The following TXNRD2 variants were observed in gnomAD, a reference collection of about 807,000 sequenced individuals.
TXNRD2 encodes thioredoxin reductase 2, mitochondrial.
In TXNRD2, 67 loss-of-function variants were observed where a neutral mutation model predicts 70.8. That is an observed-to-expected ratio of 0.95 (90% CI 0.78 to 1.16). TXNRD2 has a LOEUF of 1.16. TXNRD2 is among the 50% of genes most tolerant of loss of function. TXNRD2 has a pLI of 0.00. For synonymous variants in TXNRD2, 301 were observed against 295.8 expected (o/e 1.02, Z -0.18); for missense variants, 644 against 719.9 (o/e 0.89, Z 1.21).
rs775971900 is a variant in TXNRD2, at chr22:19,883,686, G to A, written c.950-225C>T. The A allele has an allele frequency of 1.3e-4, 75 of 573,612 alleles. 1 individual carries two copies. The highest frequency in any genetic ancestry group is 2.6e-4 in the South Asian group (14 of 52,854). The allele number at this position is 573,612 out of a possible 1,614,324, so 35.5% of individuals were successfully genotyped here. A position where few individuals can be genotyped will look rare whatever the true frequency, so the allele number is the denominator to read the frequency against. On this transcript the variant is annotated intron_variant, in intron 11 of 17. Coordinates refer to ENST00000400521, the MANE Select transcript of TXNRD2 (RefSeq NM_006440.5). The stretch of plus-strand genomic sequence containing the variant: ...AACCCTGTCTCAGCCAGGCGTGATG[G>A]CTCATGCCTATAATCCCAACACTTT...
intron 11 of TXNRD2, among the ~76,000 whole-genome samples, chr22:19,889,909 C>CT (rs5844399): frequency 0.46 from 69,791 of 150,186 alleles, 18,142 homozygotes; most frequent in Non-Finnish European, 0.59. Context: ...CCATGTTGTT[C>CT]TTTTTTTTTT....
intron 8 of TXNRD2, among the ~76,000 whole-genome samples, chr22:19,907,144 G>A (rs962485797): frequency 1.8e-5 from 2 of 112,638 alleles, no homozygotes; most frequent in Admixed American, 1.1e-4. Flanking sequence ...GGCACCATGG[G>A]TAGCACTGAC....
chr22:19,931,868 A>G (rs72556513), intron 1 of TXNRD2, among the ~76,000 whole-genome samples: 1,633 of 152,214 alleles, frequency 0.011, 28 homozygotes, highest in African/African-American at 0.036. Flanking sequence ...GTGAGCAAGA[A>G]TAAAAGCACA....
At chr22:19,929,961 C>T (rs1601478682) in intron 2 of TXNRD2, among the ~76,000 whole-genome samples, 1 of 152,338 alleles carries the variant, frequency 6.6e-6, no homozygotes, top group East Asian at 1.9e-4. Flanking sequence ...TTAAAGGGGA[C>T]TCAGGTCTCT....
chr22:19,911,530 A>G, intron 7 of TXNRD2, 83 bp from the exon 8 acceptor site: 1 of 1,028,820 alleles, frequency 9.7e-7, no homozygotes, highest in Non-Finnish European at 1.5e-6. Flanking sequence ...CCAGCTTTGC[A>G]GAATCAAGCA....
At chr22:19,907,050 AGT>A (rs1940061012) in intron 8 of TXNRD2, among the ~76,000 whole-genome samples, 1 of 66,198 alleles carries the variant, frequency 1.5e-5, no homozygotes, top group Non-Finnish European at 2.8e-5. Context: ...CTCTCAGGAG[AGT>A]GTGGGCGCCG....
intron 1 of TXNRD2, among the ~76,000 whole-genome samples, chr22:19,940,479 C>T (rs1941673329): frequency 2.0e-5 from 3 of 152,050 alleles, no homozygotes; most frequent in South Asian, 4.1e-4. Context: ...CCCTAAGTCT[C>T]GTATGATATT....
chr22:19,939,623 A>C (rs5748489), intron 1 of TXNRD2, among the ~76,000 whole-genome samples: 94,691 of 151,996 alleles, frequency 0.62, 29,977 homozygotes, highest in African/African-American at 0.72. Flanking sequence ...TGACCGTTGC[A>C]CCGCTCAGCC....
intron 2 of TXNRD2, among the ~76,000 whole-genome samples, chr22:19,926,508 G>A (rs62223663): frequency 1.1e-4 from 17 of 151,012 alleles, no homozygotes; most frequent in African/African-American, 2.7e-4. Flanking sequence ...AAACAACGGC[G>A]GCTCACACCT....
intron 13 of TXNRD2, 148 bp from the exon 14 acceptor site, chr22:19,880,419 C>G (rs1396704617): frequency 1.1e-6 from 1 of 931,482 alleles, no homozygotes; most frequent in African/African-American, 1.7e-5. Context: ...CACCTGCCCA[C>G]GCCTGCGCCA....
At chr22:19,918,100 G>A in intron 5 of TXNRD2, 43 bp downstream of exon 5, 1 of 1,558,188 alleles carries the variant, frequency 6.4e-7, no homozygotes, top group East Asian at 2.2e-5. Flanking sequence ...ACGCCCAAGA[G>A]AAGGCCCAGA....
chr22:19,936,897 G>C (rs1257410072), intron 1 of TXNRD2, among the ~76,000 whole-genome samples: 1 of 152,168 alleles, frequency 6.6e-6, no homozygotes, highest in African/African-American at 2.4e-5. Flanking sequence ...TAGATTAGAG[G>C]CGTGGGCTTA....
intron 5 of TXNRD2, 145 bp downstream of exon 5, chr22:19,917,998 T>C: frequency 1.4e-6 from 1 of 717,942 alleles, no homozygotes; most frequent in Non-Finnish European, 2.5e-6. Context: ...ATCTGCTCCT[T>C]GTCCTCATCC....
intron 2 of TXNRD2, among the ~76,000 whole-genome samples, chr22:19,927,456 C>T (rs1941189601): frequency 1.3e-5 from 2 of 151,602 alleles, no homozygotes; most frequent in Admixed American, 1.3e-4. Flanking sequence ...GAATTCAACA[C>T]CAGCCTGGGC....
chr22:19,915,625 C>T (rs1278580068), intron 6 of TXNRD2, 140 bp downstream of exon 6: 5 of 788,060 alleles, frequency 6.3e-6, no homozygotes, highest in Non-Finnish European at 8.8e-6. Flanking sequence ...GACAAGTGCC[C>T]AGCCTCAAAA....
intron 11 of TXNRD2, among the ~76,000 whole-genome samples, chr22:19,893,619 G>A (rs1207711353): frequency 6.6e-6 from 1 of 152,208 alleles, no homozygotes; most frequent in Non-Finnish European, 1.5e-5. Flanking sequence ...TCCCCTGGCT[G>A]TGTCCACACT....
chr22:19,903,571 G>A (rs1032798367), intron 8 of TXNRD2, among the ~76,000 whole-genome samples: 2 of 152,250 alleles, frequency 1.3e-5, no homozygotes, highest in South Asian at 4.1e-4. Flanking sequence ...CTTCCCGGTG[G>A]AGGCAGCCCT....
At chr22:19,909,902 C>CCACTCACACACACACACCA (rs1940314388) in intron 8 of TXNRD2, among the ~76,000 whole-genome samples, 1 of 95,116 alleles carries the variant, frequency 1.1e-5, no homozygotes, top group African/African-American at 4.2e-5. Flanking sequence ...CACACACACA[C>CCACTCACACACACACACCA]CACACACCCA....
intron 1 of TXNRD2, among the ~76,000 whole-genome samples, chr22:19,932,197 A>T (rs914942706): frequency 1.3e-5 from 2 of 150,796 alleles, no homozygotes; most frequent in Admixed American, 1.3e-4. Context: ...AAGCACAAGC[A>T]GCCCCTGTCC....
Sources: gnomAD v4.1 joint callset for allele counts (sites outside exome capture counted in the v4.1 genomes callset) on GRCh38, gnomAD v4.1.1 for gene constraint, MANE v1.5 for transcripts, NCBI Gene and HGNC (gene_info 2026-07-23, HGNC 2026-07-21) for gene names.